RAB27B: variants seen among roughly 807,000 people sequenced by gnomAD.
The protein encoded by RAB27B is ras-related protein Rab-27B.
RAB27B carries 15 observed loss-of-function variants against 24.6 expected under a neutral mutation model. The ratio of observed to expected loss-of-function variants is 0.61; its 90% CI spans 0.41 to 0.94. RAB27B has a LOEUF of 0.94. RAB27B is among the 40% of genes least tolerant of loss of function. RAB27B has a pLI of 0.00. For missense variants in RAB27B, 261 were observed against 266.8 expected, an observed-to-expected ratio of 0.98 and a Z score of 0.15; for synonymous variants, 105 against 92.5, an observed-to-expected ratio of 1.14 and a Z score of -0.78.
intron 2 of RAB27B, among the ~76,000 whole-genome samples, chr18:54,822,764 G>T: frequency 6.6e-6 from 1 of 151,846 alleles, no homozygotes; most frequent in African/African-American, 2.4e-5. Flanking sequence ...CTGCTTATAG[G>T]TTTTTTTAAT....
chr18:54,737,623 T>A (rs1909936474), intron 2 of RAB27B, among the ~76,000 whole-genome samples: 1 of 152,170 alleles, frequency 6.6e-6, no homozygotes, highest in South Asian at 2.1e-4. Context: ...TTTCCAGCAC[T>A]TACTGCAGTG....
At chr18:54,844,403 CTTTTCT>C (rs1911237831) in intron 1 of RAB27B, among the ~76,000 whole-genome samples, 3 of 95,304 alleles carry the variant, frequency 3.1e-5, no homozygotes, top group East Asian at 3.0e-4. Flanking sequence ...TCTTTCTTTT[CTTTTCT>C]TTTTTTTTTT....
intron 2 of RAB27B, among the ~76,000 whole-genome samples, chr18:54,735,903 T>C (rs925972238): frequency 6.6e-6 from 1 of 152,232 alleles, no homozygotes; most frequent in African/African-American, 2.4e-5. Context: ...ACTTTTCATA[T>C]ATCAGGACCA....
At chr18:54,744,463 G>C (rs889404942) in intron 2 of RAB27B, among the ~76,000 whole-genome samples, 3 of 152,050 alleles carry the variant, frequency 2.0e-5, no homozygotes, top group African/African-American at 7.2e-5. Context: ...ATATAGAGAG[G>C]GTCAGGCCCA....
intron 1 of RAB27B, among the ~76,000 whole-genome samples, chr18:54,834,340 C>G (rs1910809390): frequency 6.6e-6 from 1 of 152,020 alleles, no homozygotes; most frequent in Non-Finnish European, 1.5e-5. Context: ...TAAATCAAAC[C>G]AGTAGGAAGT....
intron 2 of RAB27B, among the ~76,000 whole-genome samples, chr18:54,794,715 G>A (rs1011135136): frequency 4.6e-5 from 7 of 152,178 alleles, no homozygotes; most frequent in Non-Finnish European, 1.0e-4. Context: ...GTCCAATGGC[G>A]ATGATTAGCT....
intron 1 of RAB27B, among the ~76,000 whole-genome samples, chr18:54,830,922 A>G (rs1910649427): frequency 6.6e-6 from 1 of 152,226 alleles, no homozygotes; most frequent in Non-Finnish European, 1.5e-5. Context: ...ACTGCTCAAT[A>G]TATTGAGATA....
At chr18:54,844,494 C>G (rs1016666664) in intron 1 of RAB27B, among the ~76,000 whole-genome samples, 2 of 150,584 alleles carry the variant, frequency 1.3e-5, no homozygotes, top group Non-Finnish European at 3.0e-5. Flanking sequence ...AAAAACTCCA[C>G]CTCCCGGTTT....
At chr18:54,728,901 C>CA (rs1568044209) in intron 2 of RAB27B, among the ~76,000 whole-genome samples, 11 of 24,074 alleles carry the variant, frequency 4.6e-4, no homozygotes, top group South Asian at 1.1e-3. Flanking sequence ...AAAAAAAAAA[C>CA]CCAAAAAAAA....
chr18:54,840,187 C>T (rs947275882), intron 1 of RAB27B, among the ~76,000 whole-genome samples: 2 of 152,060 alleles, frequency 1.3e-5, no homozygotes, highest in Non-Finnish European at 2.9e-5. Context: ...AAGTTCTTTC[C>T]TTGTAGTACA....
intron 1 of RAB27B, among the ~76,000 whole-genome samples, chr18:54,853,476 C>A (rs1211416147): frequency 6.6e-6 from 1 of 152,030 alleles, no homozygotes; most frequent in Non-Finnish European, 1.5e-5. Flanking sequence ...TTGATTGATT[C>A]CAGTAGTTTT....
At chr18:54,763,375 T>C (rs1010766503) in intron 2 of RAB27B, among the ~76,000 whole-genome samples, 3 of 152,142 alleles carry the variant, frequency 2.0e-5, no homozygotes, top group Non-Finnish European at 4.4e-5. Context: ...ACAAGCTCCT[T>C]CCAAAACCAT....
chr18:54,730,487 C>T (rs1909693689), intron 2 of RAB27B, among the ~76,000 whole-genome samples: 1 of 151,860 alleles, frequency 6.6e-6, no homozygotes, highest in Non-Finnish European at 1.5e-5. Context: ...TTTTAATTAC[C>T]TATATGATAT....
intron 2 of RAB27B, among the ~76,000 whole-genome samples, chr18:54,758,187 C>A (rs1174718535): frequency 1.3e-5 from 2 of 152,020 alleles, no homozygotes; most frequent in Non-Finnish European, 2.9e-5. Flanking sequence ...AGAGGTATGA[C>A]AATTAAGATT....
chr18:54,819,668 C>T (rs1294279843), intron 2 of RAB27B, among the ~76,000 whole-genome samples: 2 of 151,496 alleles, frequency 1.3e-5, no homozygotes, highest in East Asian at 1.9e-4. Context: ...ATGTGCACAA[C>T]GTGCATGTTA....
chr18:54,840,646 T>A (rs1833285), intron 1 of RAB27B, among the ~76,000 whole-genome samples: 100,436 of 152,054 alleles, frequency 0.66, 35,849 homozygotes, highest in East Asian at 0.91. Flanking sequence ...GTTAAATAAA[T>A]GTTTTGATCC....
chr18:54,728,379 A>G (rs977829467), intron 2 of RAB27B, among the ~76,000 whole-genome samples: 2 of 152,198 alleles, frequency 1.3e-5, no homozygotes, highest in African/African-American at 4.8e-5. Flanking sequence ...TGCCCCCCTC[A>G]GCTAGAAAGA....
At chr18:54,790,254 A>G (rs1438012595) in intron 2 of RAB27B, among the ~76,000 whole-genome samples, 1 of 152,202 alleles carries the variant, frequency 6.6e-6, no homozygotes. Context: ...TAAGAGAAAA[A>G]AAAGATATAA....
intron 1 of RAB27B, among the ~76,000 whole-genome samples, chr18:54,871,760 G>C (rs776626128): frequency 6.9e-5 from 10 of 145,962 alleles, no homozygotes; most frequent in Non-Finnish European, 1.3e-4. Flanking sequence ...TGAGGCAGGA[G>C]AATGGCATGA....
Sources: allele counts gnomAD v4.1 joint callset (sites outside exome capture counted in the v4.1 genomes callset), GRCh38; gene constraint gnomAD v4.1.1; transcripts MANE v1.5; gene names NCBI Gene and HGNC (gene_info 2026-07-23, HGNC 2026-07-21).